The following SRPK2 variants were observed in gnomAD, a reference collection of about 807,000 sequenced individuals.
The protein encoded by SRPK2 is SRSF protein kinase 2.
In SRPK2, 21 loss-of-function variants were observed where a neutral mutation model predicts 90.8. The observed-to-expected ratio is 0.23, with a 90% confidence interval of 0.16 to 0.33. The LOEUF (loss-of-function observed/expected upper bound fraction) is 0.33. SRPK2 is among the 10% of genes least tolerant of loss of function. SRPK2 has a pLI of 1.00. For missense variants in SRPK2, 620 were observed against 869.0 expected (o/e 0.71, Z 3.60); for synonymous variants, 288 against 311.1 (o/e 0.93, Z 0.78).
intron 2 of SRPK2, among the ~76,000 whole-genome samples, chr7:105,292,136 A>T (rs1809115231): frequency 6.6e-6 from 1 of 152,228 alleles, no homozygotes; most frequent in Non-Finnish European, 1.5e-5. Flanking sequence ...CTTGACAGTC[A>T]TATGTTCATG....
chr7:105,275,693 A>T lies in SRPK2; in HGVS notation c.72-71908T>A, dbSNP rs531033795. Among the ~76,000 whole-genome samples the T allele has an allele frequency of 2.6e-5, 4 of 152,312 alleles. No homozygotes were observed. The East Asian group carries it at 7.7e-4, about 29-fold the overall frequency. ...CTGGAACCCTGATGAGGAGTAGCAG[A>T]TTACCAGTAACTCTACTCAAAATGA... On this transcript the variant is annotated intron_variant, in intron 2 of 15. Transcript: ENST00000393651.
chr7:105,162,638 T>C (rs1037742521), intron 6 of SRPK2, among the ~76,000 whole-genome samples: 1 of 152,238 alleles, frequency 6.6e-6, no homozygotes, highest in Admixed American at 6.5e-5. Context: ...TACAGATTTA[T>C]GCGCAGATAA....
chr7:105,135,997 T>C (rs1365607161), intron 11 of SRPK2, among the ~76,000 whole-genome samples: 2 of 152,130 alleles, frequency 1.3e-5, no homozygotes, highest in Non-Finnish European at 2.9e-5. Flanking sequence ...ACTCCTGACA[T>C]CAAGTGATCT....
At chr7:105,141,126 C>T (rs1803694190) in intron 11 of SRPK2, among the ~76,000 whole-genome samples, 1 of 152,154 alleles carries the variant, frequency 6.6e-6, no homozygotes, top group Non-Finnish European at 1.5e-5. Flanking sequence ...CTGACCACGT[C>T]CAGCCAAGTA....
At chr7:105,346,530 C>T (rs994672529) in intron 2 of SRPK2, among the ~76,000 whole-genome samples, 1 of 151,970 alleles carries the variant, frequency 6.6e-6, no homozygotes, top group African/African-American at 2.4e-5. Context: ...GCAAGGCGGG[C>T]GGATCACGAG....
At chr7:105,393,025 G>A (rs544522454), upstream of SRPK2, among the ~76,000 whole-genome samples, 42 of 150,882 alleles carry the variant, frequency 2.8e-4, no homozygotes, top group African/African-American at 9.0e-4. Flanking sequence ...GGGAAGTCTC[G>A]CTCTGTCGCC....
intron 3 of SRPK2, among the ~76,000 whole-genome samples, chr7:105,184,326 C>T (rs1278186989): frequency 6.6e-6 from 1 of 152,074 alleles, no homozygotes; most frequent in Non-Finnish European, 1.5e-5. Flanking sequence ...ATGCCAGACA[C>T]AGCTATTTCT....
At chr7:105,367,415 A>G (rs1256565469) in intron 2 of SRPK2, among the ~76,000 whole-genome samples, 2 of 152,018 alleles carry the variant, frequency 1.3e-5, no homozygotes, top group African/African-American at 4.8e-5. Flanking sequence ...GGCACGCACC[A>G]CTACACCCAG....
chr7:105,215,402 A>G (rs73715447), intron 2 of SRPK2, among the ~76,000 whole-genome samples: 1,752 of 152,352 alleles, frequency 0.011, 28 homozygotes, highest in African/African-American at 0.04. Context: ...ATGAAAATGG[A>G]AAATGGTGCA....
chr7:105,295,627 G>A (rs970406037), intron 2 of SRPK2, among the ~76,000 whole-genome samples: 1 of 152,210 alleles, frequency 6.6e-6, no homozygotes. Context: ...AAGGGAAAAT[G>A]GGGAGTTGCT....
intron 2 of SRPK2, among the ~76,000 whole-genome samples, chr7:105,314,814 C>T (rs1186483317): frequency 1.3e-5 from 2 of 152,214 alleles, no homozygotes; most frequent in Non-Finnish European, 1.5e-5. Flanking sequence ...ACATAAATGT[C>T]GAATAATGAG....
At chr7:105,188,462 T>C (rs1270707812) in intron 3 of SRPK2, among the ~76,000 whole-genome samples, 1 of 152,220 alleles carries the variant, frequency 6.6e-6, no homozygotes, top group Non-Finnish European at 1.5e-5. Context: ...TTGTACCCTT[T>C]AAAGCAGAGA....
chr7:105,233,830 C>T (rs1799813008), intron 2 of SRPK2, among the ~76,000 whole-genome samples: 1 of 151,526 alleles, frequency 6.6e-6, no homozygotes, highest in South Asian at 2.1e-4. Flanking sequence ...GCAGCCTCGG[C>T]GACACAGCAA....
chr7:105,182,737 G>T (rs1198514208), intron 3 of SRPK2, among the ~76,000 whole-genome samples: 1 of 152,120 alleles, frequency 6.6e-6, no homozygotes, highest in Non-Finnish European at 1.5e-5. Context: ...CAAAGTGCTG[G>T]GATTACAGGC....
chr7:105,185,135 T>C (rs1348129628), intron 3 of SRPK2, among the ~76,000 whole-genome samples: 1 of 152,048 alleles, frequency 6.6e-6, no homozygotes, highest in Admixed American at 6.6e-5. Context: ...ATATATTGAA[T>C]TATGAACTGA....
At chr7:105,398,406 G>T (rs1347554465) in intron 1 of SRPK2, among the ~76,000 whole-genome samples, 1 of 144,794 alleles carries the variant, frequency 6.9e-6, no homozygotes, top group African/African-American at 2.6e-5. Context: ...TTTTTGAGAC[G>T]GAGTTTTGCT....
intron 2 of SRPK2, among the ~76,000 whole-genome samples, chr7:105,343,673 A>G (rs1816097864): frequency 6.6e-6 from 1 of 152,200 alleles, no homozygotes; most frequent in Admixed American, 6.5e-5. Context: ...TTTGTGTTTC[A>G]ATATTCTGTT....
chr7:105,349,356 C>G (rs567114232), intron 2 of SRPK2, among the ~76,000 whole-genome samples: 1 of 151,832 alleles, frequency 6.6e-6, no homozygotes, highest in African/African-American at 2.4e-5. Flanking sequence ...AGCCCCATCT[C>G]TACTAAAAAT....
intron 3 of SRPK2, among the ~76,000 whole-genome samples, chr7:105,170,281 T>C (rs1301713097): frequency 3.3e-5 from 5 of 152,216 alleles, no homozygotes; most frequent in Non-Finnish European, 7.3e-5. Flanking sequence ...CATACATTAA[T>C]GGTTTATTAA....
Sources: gnomAD v4.1 joint callset for allele counts (sites outside exome capture counted in the v4.1 genomes callset) on GRCh38, gnomAD v4.1.1 for gene constraint, MANE v1.5 for transcripts, NCBI Gene and HGNC (gene_info 2026-07-23, HGNC 2026-07-21) for gene names.